The following NKAIN3 variants were observed in gnomAD, a reference collection of about 807,000 sequenced individuals.
The protein encoded by NKAIN3 is sodium/potassium-transporting ATPase subunit beta-1-interacting protein 3.
NKAIN3 carries 25 observed loss-of-function variants against 30.2 expected under a neutral mutation model. The observed-to-expected ratio is 0.83, with a 90% CI of 0.60 to 1.16. NKAIN3 has a LOEUF of 1.16. Among genes scored for constraint, NKAIN3 ranks in the 50% most tolerant of loss-of-function variants. The pLI, the probability that NKAIN3 is intolerant of heterozygous loss-of-function variation, is 0.00. For missense variants in NKAIN3, 225 were observed against 254.1 expected (o/e 0.89, Z 0.78); for synonymous variants, 91 against 89.6 (o/e 1.02, Z -0.09).
intron 1 of NKAIN3, among the ~76,000 whole-genome samples, chr8:62,387,820 A>G (rs1817474597): frequency 6.6e-6 from 1 of 152,230 alleles, no homozygotes; most frequent in South Asian, 2.1e-4. Flanking sequence ...GATTGGTAGT[A>G]AATATAATTT....
intron 4 of NKAIN3, among the ~76,000 whole-genome samples, chr8:62,767,744 G>A (rs1478387610): frequency 6.6e-6 from 1 of 151,926 alleles, no homozygotes; most frequent in Non-Finnish European, 1.5e-5. Context: ...CAGCTGTGCT[G>A]TCCAATGTGA....
At chr8:62,503,070 C>T (rs541854429) in intron 1 of NKAIN3, among the ~76,000 whole-genome samples, 51 of 152,276 alleles carry the variant, frequency 3.3e-4, no homozygotes, top group African/African-American at 9.4e-4. Flanking sequence ...AGCTCAGCCT[C>T]CTGTCACATC....
At chr8:62,532,863 C>G (rs1183230249) in intron 1 of NKAIN3, among the ~76,000 whole-genome samples, 1 of 152,210 alleles carries the variant, frequency 6.6e-6, no homozygotes, top group Non-Finnish European at 1.5e-5. Flanking sequence ...CACTCCACAT[C>G]CCATGTTGTT....
chr8:62,414,214 GC>G (rs1804357326), intron 1 of NKAIN3, among the ~76,000 whole-genome samples: 1 of 152,024 alleles, frequency 6.6e-6, no homozygotes. Context: ...ACCATAGATT[GC>G]TTTATTTTAA....
intron 3 of NKAIN3, among the ~76,000 whole-genome samples, chr8:62,641,642 T>C (rs535150062): frequency 5.2e-4 from 79 of 152,296 alleles, no homozygotes; most frequent in African/African-American, 1.8e-3. Flanking sequence ...GGCATTCAGA[T>C]GCTACTTAGC....
At chr8:62,438,084 T>C (rs1035512543) in intron 1 of NKAIN3, among the ~76,000 whole-genome samples, 4 of 152,160 alleles carry the variant, frequency 2.6e-5, no homozygotes, top group African/African-American at 7.2e-5. Flanking sequence ...GTGGGTCCCA[T>C]GAGCAATGCG....
Position 62,839,750 on chromosome 8 carries a change from G to A in NKAIN3, c.472-78703G>A, listed in dbSNP as rs553116042. Among the ~76,000 whole-genome samples the A allele has an allele frequency of 2.0e-4, 31 of 151,968 alleles. No homozygotes were observed. In the East Asian group the frequency reaches 5.3e-3, roughly 26 times the overall value. On this transcript the variant is annotated intron_variant, in intron 4 of 6. Coordinates refer to ENST00000623646, the MANE Select transcript of NKAIN3 (RefSeq NM_001304533.3). ...CCTGCCTCAGCCTCCTGAGTAGCTG[G>A]TACTACAGGTGTGTGCCACCATTCC... is the stretch of plus-strand genomic sequence containing the variant.
intron 4 of NKAIN3, among the ~76,000 whole-genome samples, chr8:62,809,032 G>T (rs575327116): frequency 1.4e-3 from 208 of 152,190 alleles, no homozygotes; most frequent in Non-Finnish European, 2.0e-3. Context: ...CTCTTTCTCA[G>T]GGCTGTTCCT....
intron 1 of NKAIN3, among the ~76,000 whole-genome samples, chr8:62,272,512 G>T (rs1290175604): frequency 6.6e-6 from 1 of 152,170 alleles, no homozygotes; most frequent in Admixed American, 6.6e-5. Flanking sequence ...AGTAATTGGC[G>T]ACTTTGTTGG....
chr8:62,435,883 G>T (rs953744526), intron 1 of NKAIN3, among the ~76,000 whole-genome samples: 5 of 152,052 alleles, frequency 3.3e-5, no homozygotes, highest in African/African-American at 1.2e-4. Context: ...CTGTTTTGTA[G>T]ATTTTCTTCA....
At chr8:62,723,561 T>C (rs1297642814) in intron 3 of NKAIN3, among the ~76,000 whole-genome samples, 1 of 152,108 alleles carries the variant, frequency 6.6e-6, no homozygotes, top group Non-Finnish European at 1.5e-5. Context: ...AAACTGCAGG[T>C]GTTTAAAACT....
At chr8:62,496,824 C>A (rs375845524) in intron 1 of NKAIN3, among the ~76,000 whole-genome samples, 1 of 152,152 alleles carries the variant, frequency 6.6e-6, no homozygotes, top group African/African-American at 2.4e-5. Flanking sequence ...GGTTTCATTT[C>A]TTCTGTATTG....
intron 3 of NKAIN3, among the ~76,000 whole-genome samples, chr8:62,666,808 C>CAA (rs1396707388): frequency 1.1e-4 from 16 of 152,042 alleles, no homozygotes; most frequent in Non-Finnish European, 2.9e-5. Context: ...ATTGTTCCAG[C>CAA]TCCTTACCAA....
intron 4 of NKAIN3, among the ~76,000 whole-genome samples, chr8:62,834,553 A>G (rs1251044952): frequency 6.6e-6 from 1 of 151,826 alleles, no homozygotes; most frequent in African/African-American, 2.4e-5. Context: ...GAGAGCCAAA[A>G]CAAAAATGCA....
intron 1 of NKAIN3, among the ~76,000 whole-genome samples, chr8:62,374,612 A>G (rs1209358221): frequency 6.6e-6 from 1 of 152,222 alleles, no homozygotes; most frequent in Non-Finnish European, 1.5e-5. Context: ...GATACAGTCA[A>G]TTCTCATGGT....
At chr8:62,364,002 T>G (rs1360632329) in intron 1 of NKAIN3, among the ~76,000 whole-genome samples, 1 of 152,138 alleles carries the variant, frequency 6.6e-6, no homozygotes, top group Non-Finnish European at 1.5e-5. Flanking sequence ...CATGCTAGGG[T>G]GAAATGGTTA....
intron 3 of NKAIN3, among the ~76,000 whole-genome samples, chr8:62,705,502 T>C (rs1201456639): frequency 2.0e-5 from 3 of 152,142 alleles, no homozygotes; most frequent in Non-Finnish European, 4.4e-5. Context: ...ATTCATGACT[T>C]TTTTTGGAAA....
intron 1 of NKAIN3, among the ~76,000 whole-genome samples, chr8:62,309,263 C>T (rs757714549): frequency 2.0e-5 from 3 of 150,334 alleles, no homozygotes; most frequent in African/African-American, 7.5e-5. Flanking sequence ...GCAAGTGTAA[C>T]ATTAAAAAAA....
At chr8:62,870,259 T>TCTATATATAGATATCTATATATAG (rs1563603986) in intron 4 of NKAIN3, among the ~76,000 whole-genome samples, 6 of 77,878 alleles carry the variant, frequency 7.7e-5, no homozygotes, top group Non-Finnish European at 1.1e-4. Flanking sequence ...TCTATATATA[T>TCTATATATAGATATCTATATATAG]ATCTATATAT....
Sources: gnomAD v4.1 joint callset for allele counts (sites outside exome capture counted in the v4.1 genomes callset) on GRCh38, gnomAD v4.1.1 for gene constraint, MANE v1.5 for transcripts, NCBI Gene and HGNC (gene_info 2026-07-23, HGNC 2026-07-21) for gene names.